MTMR4: variants seen among roughly 807,000 people sequenced by gnomAD.
The protein encoded by MTMR4 is myotubularin related protein 4.
In MTMR4, 30 loss-of-function variants were observed where a neutral mutation model predicts 125.5. That is an observed-to-expected ratio of 0.24 (90% CI 0.18 to 0.32). The LOEUF (loss-of-function observed/expected upper bound fraction) is 0.32. Ranked by LOEUF, MTMR4 falls within the 10% of genes least tolerant of loss-of-function variation. The pLI is 1.00. For synonymous variants in MTMR4, 498 were observed against 564.5 expected (o/e 0.88, Z 1.67); for missense variants, 1,039 against 1,511.5 (o/e 0.69, Z 5.18).
rs1266811465 is a variant in MTMR4 at position 58,508,648 on chromosome 17, A to T, written c.496+33T>A. On this transcript the variant is annotated intron_variant, in intron 5 of 17. Transcript: ENST00000682306. This position sits in a 1 kb window ranked among gnomAD's most constrained non-coding sequence, Gnocchi z 4.8. ...GAGGGATGAGAACTAAGGGGTAAGA[A>T]GCAGCCTCCCAAAGAAAATAGACTG... is the stretch of plus-strand genomic sequence containing the variant. 6.2e-7 allele frequency: 1 copy of T among 1,613,656 alleles called. No individual in the cohort carries two copies. Among genetic ancestry groups the T allele is most frequent in the African/African-American group, 1.3e-5 (1 of 75,060 alleles).
At position 58,512,483 on chromosome 17, in the gene MTMR4, A is replaced by C. The variant is rs546487860; in HGVS notation, c.159T>G (p.Gly53=). 7.4e-6 allele frequency: 12 copies of C among 1,614,064 alleles called. No individual in the cohort carries two copies. The East Asian group carries it at 2.2e-4, about 30-fold the overall frequency. Residue 53 remains glycine, a synonymous_variant, in exon 3 of 18, where the codon GGT becomes GGG. Transcript: ENST00000682306. The surrounding 1 kb of genome is among the most constrained non-coding windows in gnomAD (Gnocchi z 4.1). ...CCCGGCCCAGGAACTCTACTCCCTC[A>C]CCCTGCAGCACTGTGAAGGGGACCT... ...NLQVPFTVLQ[G]EGVEFLGRAA...
intron 14 of MTMR4, among the ~76,000 whole-genome samples, chr17:58,500,907 A>T (rs1238727823): frequency 6.6e-6 from 1 of 152,188 alleles, no homozygotes; most frequent in Non-Finnish European, 1.5e-5. Context: ...GGTATTAAAG[A>T]AACATTTGTT....
intron 14 of MTMR4, among the ~76,000 whole-genome samples, chr17:58,499,709 C>T (rs770699654): frequency 1.3e-5 from 2 of 151,888 alleles, no homozygotes; most frequent in African/African-American, 2.4e-5. Flanking sequence ...GCAAACTCCG[C>T]CTTCCCAGGT....
intron 14 of MTMR4, among the ~76,000 whole-genome samples, chr17:58,501,664 A>C (rs1975635938): frequency 6.6e-6 from 1 of 151,318 alleles, no homozygotes; most frequent in Admixed American, 6.6e-5. Flanking sequence ...ATATATATAC[A>C]TATATGTGTA....
At chr17:58,493,606 G>A (rs1975372626) in intron 15 of MTMR4, among the ~76,000 whole-genome samples, 2 of 152,184 alleles carry the variant, frequency 1.3e-5, no homozygotes, top group Non-Finnish European at 2.9e-5. Flanking sequence ...CACCTACCTC[G>A]GCCTCACAAA....
rs748886288 is a variant in MTMR4 at position 58,492,825 on chromosome 17, T to A, written c.3363+17A>T. The A allele has an allele frequency of 2.5e-6, 4 of 1,604,512 alleles. No individual in the cohort carries two copies. The highest frequency in any genetic ancestry group is 3.4e-6 in the Non-Finnish European group (4 of 1,171,378). ...CTGGCTCACGTAAGTACCCACCACATATGTGCCTAAACATACCTCAGTCTC... is the reference window on the plus strand; with the variant it reads ...CTGGCTCACGTAAGTACCCACCACAAATGTGCCTAAACATACCTCAGTCTC... On this transcript the variant is annotated intron_variant, in intron 16 of 17. Coordinates refer to ENST00000682306, the MANE Select transcript of MTMR4 (RefSeq NM_001378067.1).
At chr17:58,499,488 T>C (rs1975562293) in intron 14 of MTMR4, among the ~76,000 whole-genome samples, 1 of 152,060 alleles carries the variant, frequency 6.6e-6, no homozygotes, top group South Asian at 2.1e-4. Flanking sequence ...CGGAGTGAGC[T>C]GAGAAGATCA....
At position 58,496,122 on chromosome 17, in the gene MTMR4, C is replaced by T; in HGVS notation, c.2062G>A (p.Gly688Ser). ...GGPQQTVGEVGLPPPLPSSQK... is the reference protein window; with the variant it reads ...GGPQQTVGEVSLPPPLPSSQK... ...CTGCTGGGCAGAGGAGGAGGAAGAC[C>T]CACTTCTCCTACAGTTTGCTGAGGC... The change falls in exon 15 of 18, where the codon GGT becomes AGT. Residue 688 changes from glycine to serine, a missense_variant. By Grantham distance (56) the Gly-to-Ser change is moderately conservative. Transcript: ENST00000682306. 1 of 1,614,080 alleles carries T rather than the reference C, an allele frequency of 6.2e-7. No homozygotes were observed. Among genetic ancestry groups the T allele is most frequent in the Non-Finnish European group, 8.5e-7 (1 of 1,180,004 alleles).
intron 15 of MTMR4, 110 bp from the exon 16 acceptor site, chr17:58,493,062 T>C: frequency 1.3e-6 from 1 of 781,980 alleles, no homozygotes; most frequent in Non-Finnish European, 2.1e-6. Flanking sequence ...TTATTTCTTA[T>C]GACAGTCTTA....
chr17:58,507,009 C>A, intron 8 of MTMR4, 114 bp downstream of exon 8: 1 of 1,554,702 alleles, frequency 6.4e-7, no homozygotes, highest in East Asian at 2.3e-5. Flanking sequence ...AGGCAGGGAC[C>A]CCAGCACCCC....
At position 58,492,460 on chromosome 17, in the gene MTMR4, C is replaced by T. The variant is rs373175076; in HGVS notation, c.3452+51G>A. 1.2e-3 allele frequency: 1,787 copies of T among 1,532,122 alleles called. 20 individuals carry two copies. The highest frequency in any genetic ancestry group is 3.2e-4 in the East Asian group (14 of 43,480). 94.9% of individuals were successfully genotyped at this position (1,532,122 alleles called of 1,614,324 possible). ...TTGGCATTACAGGTGTGAGCCACTG[C>T]GCCTGGCCTGCCCTGTTTTTTGTCA... is the stretch of plus-strand genomic sequence containing the variant. On this transcript the variant is annotated intron_variant, in intron 17 of 17. Coordinates refer to ENST00000682306, the MANE Select transcript of MTMR4 (RefSeq NM_001378067.1).
chr17:58,492,648 A>T, intron 16 of MTMR4, 49 bp from the exon 17 acceptor site: 1 of 1,559,442 alleles, frequency 6.4e-7, no homozygotes, highest in Non-Finnish European at 8.8e-7. Flanking sequence ...GACAGACTGG[A>T]AGAGCAACAT....
intron 1 of MTMR4, among the ~76,000 whole-genome samples, chr17:58,513,811 C>T (rs566923532): frequency 2.0e-5 from 3 of 151,866 alleles, no homozygotes; most frequent in South Asian, 2.1e-4. Flanking sequence ...AGGGGAGGAC[C>T]GGGAATGATG....
chr17:58,507,621 C>G (rs1232419525), intron 7 of MTMR4, among the ~76,000 whole-genome samples: 2 of 152,326 alleles, frequency 1.3e-5, no homozygotes, highest in Non-Finnish European at 2.9e-5. Flanking sequence ...AGAATAGGAA[C>G]AATTCCAAAC....
intron 10 of MTMR4, 59 bp downstream of exon 10, chr17:58,505,413 G>T: frequency 7.1e-7 from 1 of 1,410,650 alleles, no homozygotes; most frequent in Non-Finnish European, 1.0e-6. Context: ...AATCTTCCAA[G>T]AATAAGAGGT....
Position 58,492,904 on chromosome 17 carries a change from C to T in MTMR4, c.3301G>A (p.Asp1101Asn), listed in dbSNP as rs1248260327. The change falls in exon 16 of 18, where the codon GAT becomes AAT. Residue 1101 changes from aspartate to asparagine, a missense_variant. Physicochemically the swap from Asp to Asn is conservative, Grantham distance 23. Coordinates refer to ENST00000682306, the MANE Select transcript of MTMR4 (RefSeq NM_001378067.1). ...DGSDTEDFGS[D>N]HSEDCLSEAS... is the part of the protein sequence containing the mutation. ...TCTGAAAGGCAGTCTTCACTGTGATCAGAGCCAAAATCCTCAGTATCACTG... is the reference window on the plus strand; with the variant it reads ...TCTGAAAGGCAGTCTTCACTGTGATTAGAGCCAAAATCCTCAGTATCACTG... The T allele has an allele frequency of 4.3e-6, 7 of 1,614,106 alleles. No individual in the cohort carries two copies. The African/African-American group carries it at 5.3e-5, about 12-fold the overall frequency.
Position 58,491,758 on chromosome 17 carries a change from C to A in MTMR4, c.3535G>T (p.Val1179Phe), listed in dbSNP as rs148218230. Residue 1179 changes from valine to phenylalanine, a missense_variant, in exon 18 of 18, where the codon GTC (valine) becomes TTC (phenylalanine). Val to Phe is a conservative substitution (Grantham distance 50). Transcript: ENST00000682306. ...ATGTGTTCGTAACATGAGTTACAGACGAGAACTGGGTCATAGAGTTGCTGA... is the reference window on the plus strand; with the variant it reads ...ATGTGTTCGTAACATGAGTTACAGAAGAGAACTGGGTCATAGAGTTGCTGA... ...PDQQLYDPVL[V>F]CNSCYEHIQV... 6.2e-7 allele frequency: 1 copy of A among 1,614,152 alleles called. No homozygotes were observed. The highest frequency in any genetic ancestry group is 8.5e-7 in the Non-Finnish European group (1 of 1,180,014).
In MTMR4 at chr17:58,503,855, G is replaced by A; in HGVS notation, c.1742C>T (p.Thr581Ile). 1.2e-6 allele frequency: 2 copies of A among 1,614,160 alleles called. No homozygotes were observed. The highest frequency in any genetic ancestry group is 1.7e-6 in the Non-Finnish European group (2 of 1,180,022). Residue 581 changes from threonine (T) to isoleucine (I), a missense_variant, in exon 14 of 18, where the codon ACA (threonine) becomes ATA (isoleucine). By Grantham distance (89) the Thr-to-Ile change is moderately conservative (BLOSUM62 -1). Coordinates refer to ENST00000682306, the MANE Select transcript of MTMR4 (RefSeq NM_001378067.1). ...AGATGATGCTGGCAGATAAACAGCT[G>A]TCCAGAGGTGCAGGGCCCGGACATG... ...VCHVRALHLWTAVYLPASSPC... is the reference protein window; with the variant it reads ...VCHVRALHLWIAVYLPASSPC...
In MTMR4 at chr17:58,491,548, A is replaced by G. The variant is rs1419555125; in HGVS notation, c.*115T>C. 9.3e-7 allele frequency: 1 copy of G among 1,077,086 alleles called. No individual in the cohort carries two copies. Among genetic ancestry groups the G allele is most frequent in the African/African-American group, 1.6e-5 (1 of 62,468 alleles). 66.7% of individuals were successfully genotyped at this position (1,077,086 alleles called of 1,614,324 possible). ...ATGATACCAAGGAGGATTTCTCAAG[A>G]TGGTATCTCTGAGCTCTGTGATTTC... On this transcript the variant is annotated 3_prime_UTR_variant, in exon 18 of 18. Transcript: ENST00000682306.
Sources: allele counts gnomAD v4.1 joint callset (sites outside exome capture counted in the v4.1 genomes callset), GRCh38; gene constraint gnomAD v4.1.1; non-coding constraint Gnocchi (gnomAD v3.1); transcripts MANE v1.5; gene names NCBI Gene and HGNC (gene_info 2026-07-23, HGNC 2026-07-21).